PCDH9: variants seen among roughly 807,000 people sequenced by gnomAD.
PCDH9 encodes protocadherin 9.
In PCDH9, 24 loss-of-function variants were observed where a neutral mutation model predicts 70.6. That is an observed-to-expected ratio of 0.34 (90% confidence interval 0.25 to 0.48). The LOEUF (loss-of-function observed/expected upper bound fraction) is 0.48, where lower values mean the gene tolerates loss of function less well. PCDH9 is among the 20% of genes least tolerant of loss of function. The pLI is 0.99. For synonymous variants in PCDH9, 562 were observed against 558.5 expected (o/e 1.01, Z -0.09); for missense variants, 1,281 against 1,503.6 (o/e 0.85, Z 2.45).
At chr13:66,959,476 G>A (rs2083311758) in intron 2 of PCDH9, among the ~76,000 whole-genome samples, 1 of 152,128 alleles carries the variant, frequency 6.6e-6, no homozygotes, top group Admixed American at 6.6e-5. Flanking sequence ...TCCTGGGCCT[G>A]ATTCAGTGGC....
intron 2 of PCDH9, among the ~76,000 whole-genome samples, chr13:66,926,118 C>A (rs999334754): frequency 5.9e-5 from 9 of 152,018 alleles, no homozygotes; most frequent in African/African-American, 2.2e-4. Context: ...TACAACTTCT[C>A]CTGTTCCCTT....
intron 4 of PCDH9, among the ~76,000 whole-genome samples, chr13:66,368,613 A>G (rs901557148): frequency 1.3e-4 from 20 of 152,134 alleles, no homozygotes; most frequent in African/African-American, 4.8e-4. Context: ...TTATATATAC[A>G]CATATATGGC....
In PCDH9 at chr13:67,225,601, G is replaced by A; in HGVS notation, c.2840C>T (p.Ala947Val). 6.2e-7 allele frequency: 1 copy of A among 1,614,166 alleles called. No homozygotes were observed. Among genetic ancestry groups the A allele is most frequent in the Non-Finnish European group, 8.5e-7 (1 of 1,180,012 alleles). Reference protein sequence around the residue: ...KHYKSASPQPAFHLKPDTPVS... With the variant: ...KHYKSASPQPVFHLKPDTPVS... ...TGGAGTGTCTGGTTTGAGATGAAAA[G>A]CAGGCTGTGGAGAAGCAGATTTGTA... is the stretch of plus-strand genomic sequence containing the variant. Residue 947 changes from alanine (A) to valine (V), a missense_variant, in exon 2 of 5, where the codon GCT becomes GTT. Transcript: ENST00000377865.
chr13:67,140,580 A>C (rs568276707), intron 2 of PCDH9, among the ~76,000 whole-genome samples: 12 of 152,276 alleles, frequency 7.9e-5, no homozygotes, highest in African/African-American at 2.9e-4. Flanking sequence ...GCTTTATAGA[A>C]AGTAATAATT....
chr13:67,026,949 T>C (rs1048511073), intron 2 of PCDH9, among the ~76,000 whole-genome samples: 8 of 152,188 alleles, frequency 5.3e-5, no homozygotes, highest in African/African-American at 1.4e-4. Flanking sequence ...TCCACGCTCA[T>C]GGGTAGGAAG....
chr13:66,785,789 C>A (rs1439315366), intron 3 of PCDH9, among the ~76,000 whole-genome samples: 1 of 151,844 alleles, frequency 6.6e-6, no homozygotes. Flanking sequence ...GTATGGATCA[C>A]CCTACATCTT....
At chr13:66,356,579 G>A (rs899009791) in intron 4 of PCDH9, among the ~76,000 whole-genome samples, 6 of 151,838 alleles carry the variant, frequency 4.0e-5, no homozygotes, top group African/African-American at 1.5e-4. Flanking sequence ...TTAAACGTCT[G>A]TCATTATATC....
At chr13:66,830,511 T>C (rs2080907152) in intron 3 of PCDH9, among the ~76,000 whole-genome samples, 1 of 152,204 alleles carries the variant, frequency 6.6e-6, no homozygotes, top group African/African-American at 2.4e-5. Context: ...GCTTACGTAC[T>C]GGGCACATAT....
intron 4 of PCDH9, among the ~76,000 whole-genome samples, chr13:66,393,415 A>G (rs9540736): frequency 0.09 from 13,629 of 152,162 alleles, 721 homozygotes; most frequent in African/African-American, 0.14. Context: ...AAAGCTCTAC[A>G]GGGAAAGAAG....
chr13:66,793,668 T>G (rs1216355727), intron 3 of PCDH9, among the ~76,000 whole-genome samples: 6 of 152,176 alleles, frequency 3.9e-5, no homozygotes, highest in Admixed American at 3.9e-4. Context: ...TATGACTATA[T>G]GTTTAAAATC....
intron 3 of PCDH9, among the ~76,000 whole-genome samples, chr13:66,642,712 A>T (rs144620650): frequency 6.6e-6 from 1 of 152,058 alleles, no homozygotes; most frequent in Non-Finnish European, 1.5e-5. Flanking sequence ...AAAAGAAATC[A>T]TAAAGTAAAA....
chr13:66,743,667 A>C (rs908142514), intron 3 of PCDH9, among the ~76,000 whole-genome samples: 5 of 152,138 alleles, frequency 3.3e-5, no homozygotes, highest in Non-Finnish European at 7.3e-5. Context: ...CTATAAAAAC[A>C]AATATGAGTA....
chr13:66,576,718 A>C (rs952732447), intron 4 of PCDH9, among the ~76,000 whole-genome samples: 4 of 152,080 alleles, frequency 2.6e-5, no homozygotes, highest in Non-Finnish European at 4.4e-5. Flanking sequence ...ATTTTGCCAC[A>C]ATCTCACTCC....
chr13:66,491,705 A>C (rs1302683807), intron 4 of PCDH9, among the ~76,000 whole-genome samples: 1 of 152,074 alleles, frequency 6.6e-6, no homozygotes, highest in Non-Finnish European at 1.5e-5. Context: ...TCACTTTCTC[A>C]GTTAAGCTTA....
Position 66,305,039 on chromosome 13 carries a change from C to A in PCDH9, c.3341-11G>T, listed in dbSNP as rs188631553. ...GACCCAAAGGCCCATCTGCAGAAGA[C>A]AAGAGAGAGAAAATAAGAAAAGGAA... is the stretch of plus-strand genomic sequence containing the variant. On this transcript the variant is annotated splice_polypyrimidine_tract_variant and intron_variant, in intron 4 of 4. Coordinates refer to ENST00000377865, the MANE Select transcript of PCDH9 (RefSeq NM_203487.3). 1,037 of 1,567,006 alleles carry A rather than the reference C, an allele frequency of 6.6e-4. 7 individuals are homozygous for A. The East Asian group carries it at 0.015, about 23-fold the overall frequency.
intron 4 of PCDH9, among the ~76,000 whole-genome samples, chr13:66,348,553 A>G (rs1420787406): frequency 6.6e-6 from 1 of 151,872 alleles, no homozygotes; most frequent in Non-Finnish European, 1.5e-5. Context: ...ACCCGCCACC[A>G]CACCTGGCTA....
chr13:66,710,389 G>C (rs1483940828), intron 3 of PCDH9, among the ~76,000 whole-genome samples: 2 of 151,996 alleles, frequency 1.3e-5, no homozygotes, highest in Non-Finnish European at 2.9e-5. Flanking sequence ...TAAAAGAAAA[G>C]TATACAAAAT....
At chr13:66,763,517 C>G (rs968708645) in intron 3 of PCDH9, among the ~76,000 whole-genome samples, 8 of 152,012 alleles carry the variant, frequency 5.3e-5, no homozygotes, top group African/African-American at 1.9e-4. Flanking sequence ...AACCACTACT[C>G]CACCCTATTT....
intron 2 of PCDH9, among the ~76,000 whole-genome samples, chr13:66,987,048 C>T (rs2083906551): frequency 6.6e-6 from 1 of 151,798 alleles, no homozygotes; most frequent in African/African-American, 2.4e-5. Context: ...GCAAAAATGG[C>T]ATTTGAGAGG....
Sources: gnomAD v4.1 joint callset for allele counts (sites outside exome capture counted in the v4.1 genomes callset) on GRCh38, gnomAD v4.1.1 for gene constraint, MANE v1.5 for transcripts, NCBI Gene and HGNC (gene_info 2026-07-23, HGNC 2026-07-21) for gene names.